The following PCGF5 variants were observed in gnomAD, a reference collection of about 807,000 sequenced individuals.
The protein encoded by PCGF5 is polycomb group ring finger 5.
A neutral mutation model predicts 44.3 loss-of-function variants in PCGF5; 9 were observed. That is an observed-to-expected ratio of 0.20 (90% CI 0.12 to 0.35). The LOEUF is 0.35. PCGF5 is among the 10% of genes least tolerant of loss of function. PCGF5 has a pLI of 1.00. For synonymous variants in PCGF5, 95 were observed against 102.5 expected (o/e 0.93, Z 0.44); for missense variants, 146 against 305.3 (o/e 0.48, Z 3.89).
upstream of PCGF5, among the ~76,000 whole-genome samples, chr10:91,160,687 C>T (rs183119943): frequency 3.3e-3 from 505 of 152,004 alleles, no homozygotes; most frequent in Non-Finnish European, 5.6e-3. Context: ...AAAGAAAAAA[C>T]GAGAGCCAGA....
chr10:91,270,111 C>T (rs1846143405), intron 8 of PCGF5, among the ~76,000 whole-genome samples: 2 of 152,194 alleles, frequency 1.3e-5, no homozygotes, highest in Admixed American at 6.5e-5. Flanking sequence ...TTAGTTTCAT[C>T]CCTGAGAGCT....
At chr10:91,259,502 G>T (rs181164126) in intron 6 of PCGF5, among the ~76,000 whole-genome samples, 1 of 152,072 alleles carries the variant, frequency 6.6e-6, no homozygotes, top group Non-Finnish European at 1.5e-5. Flanking sequence ...AAAAGAGCCC[G>T]CATTGCCAAG....
chr10:91,171,339 A>G (rs960488796), intron 1 of PCGF5, among the ~76,000 whole-genome samples: 2 of 152,174 alleles, frequency 1.3e-5, no homozygotes, highest in Non-Finnish European at 2.9e-5. Context: ...TTGATTTGCC[A>G]AAAGTAAGTG....
chr10:91,205,463 A>C (rs1270022825), intron 1 of PCGF5, among the ~76,000 whole-genome samples: 4 of 152,240 alleles, frequency 2.6e-5, no homozygotes, highest in African/African-American at 9.6e-5. Flanking sequence ...GCGTTCATTC[A>C]TAAACTGAGC....
At chr10:91,244,038 G>A (rs1041677745) in intron 3 of PCGF5, among the ~76,000 whole-genome samples, 24 of 152,164 alleles carry the variant, frequency 1.6e-4, no homozygotes, top group Non-Finnish European at 3.1e-4. Context: ...ACAAAATAAA[G>A]ATCTTTGCCC....
chr10:91,215,070 T>C (rs1844517949), intron 1 of PCGF5, among the ~76,000 whole-genome samples: 1 of 152,232 alleles, frequency 6.6e-6, no homozygotes, highest in Non-Finnish European at 1.5e-5. Context: ...TCTAATTAAC[T>C]TCCTCATCAG....
rs1353552583 is a variant in PCGF5 at position 91,281,702 on chromosome 10, T to C, written c.*3386T>C. On this transcript the variant is annotated 3_prime_UTR_variant, in exon 10 of 10. Transcript: ENST00000336126. ...AATTTAATTTTATATAGTTAGGCAA[T>C]AACCTTGATTAATTGCTAAAATATC... The C allele has an allele frequency of 6.6e-6, 1 of 152,598 alleles. No homozygotes were observed. Among genetic ancestry groups the C allele is most frequent in the Non-Finnish European group, 1.5e-5 (1 of 68,016 alleles). The allele number at this position is 152,598 out of a possible 1,614,324, so 9.5% of individuals were successfully genotyped here. A position where few individuals can be genotyped will look rare whatever the true frequency, so the allele number is the denominator to read the frequency against.
At chr10:91,188,898 G>C (rs559312596) in intron 1 of PCGF5, among the ~76,000 whole-genome samples, 1 of 152,180 alleles carries the variant, frequency 6.6e-6, no homozygotes, top group East Asian at 1.9e-4. Flanking sequence ...AAGAAATATT[G>C]GAGGCTTGAA....
chr10:91,257,853 A>G (rs1369037747), intron 6 of PCGF5, among the ~76,000 whole-genome samples: 2 of 152,160 alleles, frequency 1.3e-5, no homozygotes, highest in Non-Finnish European at 2.9e-5. Flanking sequence ...AATCTTGTAT[A>G]TGTATATTCA....
At chr10:91,161,214 T>C (rs988248025), upstream of PCGF5, among the ~76,000 whole-genome samples, 7 of 152,244 alleles carry the variant, frequency 4.6e-5, no homozygotes, top group Admixed American at 4.6e-4. Context: ...GTTGCTAATC[T>C]CAGGATTGCC....
intron 3 of PCGF5, among the ~76,000 whole-genome samples, chr10:91,248,280 C>T (rs1045467289): frequency 1.3e-5 from 2 of 152,054 alleles, no homozygotes; most frequent in Non-Finnish European, 2.9e-5. Flanking sequence ...GCTCAAGAGT[C>T]TGGATATAGA....
intron 1 of PCGF5, among the ~76,000 whole-genome samples, chr10:91,194,057 G>A (rs1053674136): frequency 6.6e-6 from 1 of 152,180 alleles, no homozygotes; most frequent in African/African-American, 2.4e-5. Flanking sequence ...AGAGATCTGT[G>A]GTGGAGGGAG....
Position 91,280,755 on chromosome 10 carries a change from T to C in PCGF5, c.*2439T>C, listed in dbSNP as rs185903355. The C allele has an allele frequency of 2.0e-3, 302 of 152,368 alleles. 2 individuals are homozygous for C. Among genetic ancestry groups the C allele is most frequent in the Non-Finnish European group, 3.4e-3 (234 of 67,888 alleles). 9.4% of individuals were successfully genotyped at this position (152,368 alleles called of 1,614,324 possible). A position where few individuals can be genotyped will look rare whatever the true frequency, so the allele number is the denominator to read the frequency against. ...AATACACTGTATTCCCCGTTAATTATCCCTTAAGTCAGATTGTAGAATTTG... is the reference window on the plus strand; with the variant it reads ...AATACACTGTATTCCCCGTTAATTACCCCTTAAGTCAGATTGTAGAATTTG... On this transcript the variant is annotated 3_prime_UTR_variant, in exon 10 of 10. Coordinates refer to ENST00000336126, the MANE Select transcript of PCGF5 (RefSeq NM_032373.5).
chr10:91,245,032 G>A (rs554491040), intron 3 of PCGF5, among the ~76,000 whole-genome samples: 61 of 152,258 alleles, frequency 4.0e-4, no homozygotes, highest in African/African-American at 1.3e-3. Flanking sequence ...CTGTAAGCAG[G>A]ATGAGATCAC....
intron 3 of PCGF5, among the ~76,000 whole-genome samples, chr10:91,246,791 A>AC (rs1310966604): frequency 1.3e-5 from 2 of 152,100 alleles, no homozygotes; most frequent in Non-Finnish European, 2.9e-5. Flanking sequence ...AGTTTAAAAA[A>AC]AGCGAGACAA....
intron 2 of PCGF5, among the ~76,000 whole-genome samples, chr10:91,236,393 T>G (rs988519256): frequency 1.4e-4 from 21 of 152,216 alleles, no homozygotes; most frequent in African/African-American, 5.1e-4. Flanking sequence ...AAGTTGTTAC[T>G]TAAGTGTTTT....
At chr10:91,220,475 G>C (rs1285367512), upstream of PCGF5, 1 of 152,738 alleles carries the variant, frequency 6.5e-6, no homozygotes, top group African/African-American at 2.4e-5. Flanking sequence ...GTAGCACAGG[G>C]AGCCAGGGCG....
chr10:91,274,800 G>C (rs1409083028), intron 9 of PCGF5, among the ~76,000 whole-genome samples: 1 of 152,164 alleles, frequency 6.6e-6, no homozygotes, highest in African/African-American at 2.4e-5. Context: ...AAGGCCCTGA[G>C]AATTGATTAT....
intron 1 of PCGF5, among the ~76,000 whole-genome samples, chr10:91,187,563 G>A (rs747299885): frequency 1.3e-5 from 2 of 152,022 alleles, no homozygotes; most frequent in African/African-American, 2.4e-5. Flanking sequence ...CTTGATATAG[G>A]AAAGAGGTTT....
Sources: gnomAD v4.1 joint callset for allele counts (sites outside exome capture counted in the v4.1 genomes callset) on GRCh38, gnomAD v4.1.1 for gene constraint, MANE v1.5 for transcripts, NCBI Gene and HGNC (gene_info 2026-07-23, HGNC 2026-07-21) for gene names.